Variants in TECPR2 observed in about 807,000 individuals in gnomAD.
The protein encoded by TECPR2 is tectonin beta-propeller repeat containing 2.
A neutral mutation model predicts 138.1 loss-of-function variants in TECPR2; 65 were observed. That is an observed-to-expected ratio of 0.47 (90% confidence interval 0.39 to 0.58). The LOEUF is 0.58. Among genes scored for constraint, TECPR2 ranks in the 20% least tolerant of loss-of-function variants. The pLI, the probability that TECPR2 is intolerant of heterozygous loss-of-function variation, is 0.00. For synonymous variants in TECPR2, 746 were observed against 749.8 expected, an observed-to-expected ratio of 0.99 and a Z score of 0.08; for missense variants, 1,553 against 1,824.5, an observed-to-expected ratio of 0.85 and a Z score of 2.71.
intron 2 of TECPR2, among the ~76,000 whole-genome samples, chr14:102,402,185 T>C (rs1888511446): frequency 6.6e-6 from 1 of 152,164 alleles, no homozygotes; most frequent in South Asian, 2.1e-4. Context: ...TTAAAAGATA[T>C]ACAAAGTATG....
intron 12 of TECPR2, among the ~76,000 whole-genome samples, chr14:102,444,498 C>G (rs966183239): frequency 6.6e-6 from 1 of 151,972 alleles, no homozygotes; most frequent in Non-Finnish European, 1.5e-5. Context: ...CTATGCCTGG[C>G]CCGATCTCTG....
chr14:102,446,105 C>T (rs558437043), intron 13 of TECPR2, among the ~76,000 whole-genome samples, 158 bp downstream of exon 13: 1 of 152,114 alleles, frequency 6.6e-6, no homozygotes, highest in East Asian at 1.9e-4. Context: ...CTCCTTCCGT[C>T]ATCCAGGCGG....
chr14:102,449,965 G>A, intron 14 of TECPR2, 96 bp downstream of exon 14: 3 of 1,539,548 alleles, frequency 1.9e-6, no homozygotes, highest in Non-Finnish European at 2.6e-6. Flanking sequence ...AACTTGAAAA[G>A]ATAATTTAGT....
chr14:102,491,598 TCAGCC>T (rs1891161935), intron 17 of TECPR2, among the ~76,000 whole-genome samples: 3 of 152,186 alleles, frequency 2.0e-5, no homozygotes, highest in African/African-American at 7.2e-5. Flanking sequence ...AAGCCTGCCA[TCAGCC>T]CTAGCAGCCA....
At chr14:102,378,091 T>C (rs181907226) in intron 2 of TECPR2, among the ~76,000 whole-genome samples, 124 of 152,356 alleles carry the variant, frequency 8.1e-4, no homozygotes, top group African/African-American at 2.8e-3. Context: ...TTAGTCAATA[T>C]CTGTAGTTTA....
At chr14:102,368,634 G>A (rs756410654) in intron 1 of TECPR2, among the ~76,000 whole-genome samples, 2 of 150,226 alleles carry the variant, frequency 1.3e-5, no homozygotes, top group Non-Finnish European at 3.0e-5. Flanking sequence ...TATTTTTGTC[G>A]GTGGTGTGGA....
At chr14:102,494,695 A>G (rs1402304794) in intron 17 of TECPR2, among the ~76,000 whole-genome samples, 1 of 151,146 alleles carries the variant, frequency 6.6e-6, no homozygotes, top group African/African-American at 2.4e-5. Flanking sequence ...ATGGTGGTGC[A>G]TGCCTGTAAT....
intron 2 of TECPR2, among the ~76,000 whole-genome samples, chr14:102,388,429 C>T (rs1191238801): frequency 1.3e-5 from 2 of 152,152 alleles, no homozygotes; most frequent in East Asian, 1.9e-4. Flanking sequence ...TGTGATGGCT[C>T]ATGCCTGTAA....
intron 4 of TECPR2, among the ~76,000 whole-genome samples, chr14:102,412,123 CTTTTTTT>C (rs751930335): frequency 2.2e-5 from 2 of 90,670 alleles, no homozygotes; most frequent in Non-Finnish European, 4.2e-5. Context: ...AATGTTGACA[CTTTTTTT>C]TTTTTTTTTT....
In TECPR2 at chr14:102,440,625, G is replaced by A. The variant is rs750344169; in HGVS notation, c.2752+16G>A. 2.4e-5 allele frequency: 38 copies of A among 1,606,554 alleles called. No individual in the cohort carries two copies. The Middle Eastern group carries it at 5.0e-4, about 21-fold the overall frequency. ...TTGCAGACAGGTAACCGCGGGCCAC[G>A]CTTAGAGGCCTGCCAGCTCTGCCGT... On this transcript the variant is annotated intron_variant, in intron 11 of 19. Transcript: ENST00000359520.
Position 102,499,206 on chromosome 14 carries a change from C to T in TECPR2, c.*949C>T. ...GGAGGGTGCATGGGGCGTGGGGGAGCTGAGCAAGGGTCGCTCACTTAGAAA... is the reference window on the plus strand; with the variant it reads ...GGAGGGTGCATGGGGCGTGGGGGAGTTGAGCAAGGGTCGCTCACTTAGAAA... On this transcript the variant is annotated 3_prime_UTR_variant, in exon 20 of 20. Coordinates refer to ENST00000359520, the MANE Select transcript of TECPR2 (RefSeq NM_014844.5). 1 of 699,286 alleles carries T rather than the reference C, an allele frequency of 1.4e-6. No individual in the cohort carries two copies. Among genetic ancestry groups the T allele is most frequent in the Non-Finnish European group, 2.6e-6 (1 of 382,076 alleles). 43.3% of individuals were successfully genotyped at this position (699,286 alleles called of 1,614,324 possible).
chr14:102,439,888 A>G (rs1382042973), intron 10 of TECPR2, among the ~76,000 whole-genome samples: 1 of 152,080 alleles, frequency 6.6e-6, no homozygotes, highest in Non-Finnish European at 1.5e-5. Flanking sequence ...CCATCTCTTC[A>G]TCAAAGTCCT....
chr14:102,385,757 G>A (rs774416706), intron 2 of TECPR2, among the ~76,000 whole-genome samples: 6 of 151,638 alleles, frequency 4.0e-5, no homozygotes, highest in Non-Finnish European at 8.8e-5. Context: ...AATACAGCAA[G>A]ACCCCCATCT....
chr14:102,379,959 C>T (rs540158660), intron 2 of TECPR2, among the ~76,000 whole-genome samples: 25 of 132,654 alleles, frequency 1.9e-4, no homozygotes, highest in South Asian at 5.0e-4. Flanking sequence ...TGAAGATCAC[C>T]ATCTTAAAAT....
intron 1 of TECPR2, among the ~76,000 whole-genome samples, chr14:102,372,267 T>C (rs1004974307): frequency 1.3e-5 from 2 of 151,114 alleles, no homozygotes; most frequent in Admixed American, 6.6e-5. Context: ...GTACTTTTCT[T>C]TTCTTTTTTT....
chr14:102,432,300 C>A (rs1252888135), intron 8 of TECPR2, among the ~76,000 whole-genome samples, 172 bp downstream of exon 8: 1 of 146,774 alleles, frequency 6.8e-6, no homozygotes, highest in Non-Finnish European at 1.5e-5. Flanking sequence ...ACGGAAAATA[C>A]ACACACACAC....
rs1455524366 is a variant in TECPR2, at chr14:102,431,481, C to T, written c.1085-315C>T. 9.9e-5 allele frequency among the ~76,000 whole-genome samples: 15 copies of T among 151,866 alleles called. No homozygotes were observed. In the East Asian group the frequency reaches 1.2e-3, roughly 12 times the overall value. ...CCTCAGCCTCCCAAGTAGCTGGGAC[C>T]CCCGGCGCCCGCCACCATGCCCGGC... On this transcript the variant is annotated intron_variant, in intron 7 of 19. Coordinates refer to ENST00000359520, the MANE Select transcript of TECPR2 (RefSeq NM_014844.5).
At chr14:102,387,117 C>T (rs1001365411) in intron 2 of TECPR2, among the ~76,000 whole-genome samples, 1 of 152,128 alleles carries the variant, frequency 6.6e-6, no homozygotes, top group Non-Finnish European at 1.5e-5. Context: ...AAAGTTTATG[C>T]TCAAATAAAT....
At chr14:102,462,288 A>G (rs1890428377) in intron 16 of TECPR2, among the ~76,000 whole-genome samples, 1 of 152,226 alleles carries the variant, frequency 6.6e-6, no homozygotes, top group Non-Finnish European at 1.5e-5. Flanking sequence ...GTTACTGTTG[A>G]AGGTACTTTA....
Sources: gnomAD v4.1 joint callset for allele counts (sites outside exome capture counted in the v4.1 genomes callset) on GRCh38, gnomAD v4.1.1 for gene constraint, MANE v1.5 for transcripts, NCBI Gene and HGNC (gene_info 2026-07-23, HGNC 2026-07-21) for gene names.